MASP1: variants seen among roughly 807,000 people sequenced by gnomAD.
MASP1 encodes the protein mannan-binding lectin serine protease 1.
A neutral mutation model predicts 77.1 loss-of-function variants in MASP1; 59 were observed. That is an observed-to-expected ratio of 0.77 (90% confidence interval 0.62 to 0.95). The LOEUF is 0.95. Among genes scored for constraint, MASP1 ranks in the 40% least tolerant of loss-of-function variants. The pLI, the probability that MASP1 is intolerant of heterozygous loss-of-function variation, is 0.00. For synonymous variants in MASP1, 362 were observed against 354.5 expected (o/e 1.02, Z -0.24); for missense variants, 885 against 912.9 (o/e 0.97, Z 0.39).
rs146564601 is a variant in MASP1, at chr3:187,223,706, A to G, written c.1742-512T>C. On this transcript the variant is annotated intron_variant, in intron 13 of 15. Transcript: ENST00000337774. The stretch of plus-strand genomic sequence containing the variant: ...CTCTAAAACCCCTTTCAGAGTTGAC[A>G]TTCTAGAAGTCTATGAAGTTGGTAA... Among the ~76,000 whole-genome samples, 681 of 152,300 alleles carry G rather than the reference A, an allele frequency of 4.5e-3. 2 individuals carry two copies. Among genetic ancestry groups the G allele is most frequent in the African/African-American group, 0.015 (623 of 41,550 alleles).
intron 6 of MASP1, 59 bp from the exon 7 acceptor site, chr3:187,251,811 G>A (rs1714630716): frequency 2.3e-6 from 3 of 1,318,068 alleles, no homozygotes; most frequent in Non-Finnish European, 3.3e-6. Context: ...ACCTTAAAGG[G>A]CCAGTCCCTA....
At chr3:187,277,830 T>C (rs1004296170) in intron 2 of MASP1, among the ~76,000 whole-genome samples, 1 of 152,196 alleles carries the variant, frequency 6.6e-6, no homozygotes, top group African/African-American at 2.4e-5. Context: ...TTCTACAAGG[T>C]AAATACAAAG....
At chr3:187,226,654 A>T in intron 11 of MASP1, 4 of 699,244 alleles carry the variant, frequency 5.7e-6, no homozygotes, top group Non-Finnish European at 1.0e-5. Context: ...TCTCCATTGT[A>T]TTTTATGGCC....
Position 187,234,819 on chromosome 3 carries a change from C to T in MASP1, c.*865G>A. 1 of 1,287,242 alleles carries T rather than the reference C, an allele frequency of 7.8e-7. No homozygotes were observed. The highest frequency in any genetic ancestry group is 1.2e-5 in the South Asian group (1 of 80,944). The allele number at this position is 1,287,242 out of a possible 1,614,324, so 79.7% of individuals were successfully genotyped here. A position where few individuals can be genotyped will look rare whatever the true frequency, so the allele number is the denominator to read the frequency against. The stretch of plus-strand genomic sequence containing the variant: ...ATATTCGGGCCTGGGCTTCAGGTAG[C>T]CTTTCAGATAATACATTTCAAGGCT... On this transcript the variant is annotated 3_prime_UTR_variant, in exon 11 of 11. Transcript: ENST00000296280.
At chr3:187,241,377 A>T (rs562050645) in intron 10 of MASP1, 104 bp downstream of exon 10, 25 of 900,476 alleles carry the variant, frequency 2.8e-5, no homozygotes, top group Admixed American at 2.3e-4. Context: ...CAACCAAAGC[A>T]TCACCTCCCC....
At chr3:187,241,412 C>A (rs1713625520) in intron 10 of MASP1, 69 bp downstream of exon 10, 3 of 1,278,342 alleles carry the variant, frequency 2.3e-6, no homozygotes, top group East Asian at 4.6e-5. Context: ...CTGTTAACAG[C>A]CAGAAAACCT....
intron 2 of MASP1, among the ~76,000 whole-genome samples, chr3:187,280,136 G>A (rs374124931): frequency 1.3e-5 from 2 of 152,306 alleles, no homozygotes; most frequent in Admixed American, 6.5e-5. Context: ...CTCATAGAAG[G>A]TAGGCTAGAT....
chr3:187,263,938 G>A (rs891931607), intron 2 of MASP1, among the ~76,000 whole-genome samples: 2 of 152,118 alleles, frequency 1.3e-5, no homozygotes, highest in Non-Finnish European at 2.9e-5. Context: ...CTTTTAAGTT[G>A]TATTTGTGTT....
At position 187,260,983 on chromosome 3, in the gene MASP1, G is replaced by A. The variant is rs1331275111; in HGVS notation, c.416-111C>T. On this transcript the variant is annotated intron_variant, in intron 3 of 10. Coordinates refer to ENST00000296280, the MANE Select transcript of MASP1 (RefSeq NM_139125.4). ...ACTCACTATGTTAGGAGATTCATGC[G>A]TTCTCTCATTTAATCCTCTCATACA... The A allele has an allele frequency of 1.4e-5, 17 of 1,238,252 alleles. No individual in the cohort carries two copies. In the Middle Eastern group the frequency reaches 5.6e-4, roughly 41 times the overall value. The allele number at this position is 1,238,252 out of a possible 1,614,324, so 76.7% of individuals were successfully genotyped here.
intron 1 of MASP1, among the ~76,000 whole-genome samples, chr3:187,289,678 C>T (rs879463192): frequency 2.0e-5 from 3 of 152,148 alleles, no homozygotes; most frequent in Admixed American, 6.5e-5. Context: ...ATCATTCCGA[C>T]GTACAGTCAG....
intron 10 of MASP1, among the ~76,000 whole-genome samples, chr3:187,237,224 T>C (rs913187086): frequency 6.6e-6 from 1 of 152,266 alleles, no homozygotes; most frequent in Non-Finnish European, 1.5e-5. Flanking sequence ...AGAGATCCTT[T>C]AATTTTCATT....
downstream of MASP1, among the ~76,000 whole-genome samples, chr3:187,233,255 A>G (rs1348270300): frequency 6.6e-6 from 1 of 152,200 alleles, no homozygotes; most frequent in Admixed American, 6.5e-5. Context: ...CAGCACCCCA[A>G]GTGATTCTCA....
At chr3:187,287,844 C>T (rs1248237474) in intron 1 of MASP1, among the ~76,000 whole-genome samples, 1 of 152,178 alleles carries the variant, frequency 6.6e-6, no homozygotes, top group Non-Finnish European at 1.5e-5. Context: ...TATTCAGATG[C>T]ATATATCTGT....
downstream of MASP1, among the ~76,000 whole-genome samples, chr3:187,230,208 T>C (rs940797866): frequency 6.6e-5 from 10 of 152,222 alleles, no homozygotes; most frequent in South Asian, 2.1e-4. Context: ...GCTGGACCAA[T>C]GAAAGCATTA....
At chr3:187,250,583 C>T (rs943234632) in intron 7 of MASP1, among the ~76,000 whole-genome samples, 3 of 152,176 alleles carry the variant, frequency 2.0e-5, no homozygotes, top group Non-Finnish European at 2.9e-5. Context: ...GAAGGGAAAA[C>T]GGTAAGCATT....
intron 8 of MASP1, among the ~76,000 whole-genome samples, chr3:187,247,722 G>A (rs929804275): frequency 2.6e-5 from 4 of 152,224 alleles, no homozygotes; most frequent in South Asian, 2.1e-4. Flanking sequence ...GGCTTGTCCC[G>A]GGGTCACCAC....
intron 8 of MASP1, chr3:187,246,626 T>C: frequency 1.0e-6 from 1 of 986,280 alleles, no homozygotes; most frequent in Non-Finnish European, 1.2e-6. Context: ...TTAGGACCTG[T>C]GATGTCCCAC....
chr3:187,238,238 C>T (rs1292582127), intron 10 of MASP1, among the ~76,000 whole-genome samples: 2 of 152,232 alleles, frequency 1.3e-5, no homozygotes, highest in Non-Finnish European at 2.9e-5. Context: ...GGTCACAGAT[C>T]AGATCTGGAG....
At chr3:187,260,960 T>A (rs1715527312) in intron 3 of MASP1, 88 bp from the exon 4 acceptor site, 1 of 1,450,162 alleles carries the variant, frequency 6.9e-7, no homozygotes, top group African/African-American at 1.4e-5. Context: ...TATGGGCCAC[T>A]CACTATGTTA....
Sources: allele counts gnomAD v4.1 joint callset (sites outside exome capture counted in the v4.1 genomes callset), GRCh38; gene constraint gnomAD v4.1.1; transcripts MANE v1.5; gene names NCBI Gene and HGNC (gene_info 2026-07-23, HGNC 2026-07-21).